Variants in AKAP10 observed in about 807,000 individuals in gnomAD.
AKAP10 encodes the protein A-kinase anchor protein 10, mitochondrial.
In AKAP10, 24 loss-of-function variants were observed where a neutral mutation model predicts 80.8. That is an observed-to-expected ratio of 0.30 (90% CI 0.22 to 0.42). The LOEUF (loss-of-function observed/expected upper bound fraction) is 0.42, where lower values mean the gene tolerates loss of function less well. Ranked by LOEUF, AKAP10 falls within the 10% of genes least tolerant of loss-of-function variation. AKAP10 has a pLI of 1.00. For missense variants in AKAP10, 661 were observed against 794.9 expected, an observed-to-expected ratio of 0.83 and a Z score of 2.03; for synonymous variants, 291 against 277.7, an observed-to-expected ratio of 1.05 and a Z score of -0.48.
intron 9 of AKAP10, among the ~76,000 whole-genome samples, chr17:19,934,883 C>T (rs563569492): frequency 1.3e-5 from 2 of 152,174 alleles, no homozygotes; most frequent in South Asian, 4.2e-4. Flanking sequence ...ATGGTGGTGC[C>T]TGCCTGTAAT....
intron 10 of AKAP10, among the ~76,000 whole-genome samples, chr17:19,928,702 C>A (rs1295378903): frequency 2.0e-5 from 3 of 152,056 alleles, no homozygotes. Context: ...CATGGTGAAA[C>A]CCCATCTCTA....
intron 10 of AKAP10, among the ~76,000 whole-genome samples, chr17:19,928,744 C>T (rs1202996575): frequency 2.0e-5 from 3 of 151,932 alleles, no homozygotes; most frequent in African/African-American, 7.3e-5. Context: ...GTGGTGCGTG[C>T]CTATAGTCCC....
chr17:19,906,473 T>C (rs1257167211), intron 14 of AKAP10, among the ~76,000 whole-genome samples: 2 of 152,222 alleles, frequency 1.3e-5, no homozygotes, highest in Non-Finnish European at 2.9e-5. Context: ...AGGACTGGCA[T>C]CCAGACTTGC....
chr17:19,924,349 AT>A, intron 11 of AKAP10, 58 bp downstream of exon 11: 1 of 1,228,860 alleles, frequency 8.1e-7, no homozygotes, highest in Non-Finnish European at 1.1e-6. Context: ...TAATTAAAAA[AT>A]TTAAAAGATG....
intron 1 of AKAP10, among the ~76,000 whole-genome samples, chr17:19,968,974 G>A (rs542864754): frequency 6.6e-6 from 1 of 152,320 alleles, no homozygotes; most frequent in African/African-American, 2.4e-5. Flanking sequence ...GTCTTTGGTT[G>A]TGTATCATAT....
chr17:19,946,145 TTA>T (rs1440366070), intron 5 of AKAP10, among the ~76,000 whole-genome samples: 50 of 123,520 alleles, frequency 4.0e-4, no homozygotes, highest in Non-Finnish European at 6.7e-4. Flanking sequence ...ATATTATATA[TTA>T]GTATATATAC....
chr17:19,977,062 G>T (rs1286823530), intron 1 of AKAP10, among the ~76,000 whole-genome samples: 5 of 152,182 alleles, frequency 3.3e-5, no homozygotes, highest in Non-Finnish European at 7.3e-5. Context: ...GTCATCAAAA[G>T]TAGTGGTCTT....
chr17:19,937,691 C>G (rs1303586052), intron 8 of AKAP10, among the ~76,000 whole-genome samples: 1 of 152,180 alleles, frequency 6.6e-6, no homozygotes, highest in Non-Finnish European at 1.5e-5. Context: ...AACAATGTTT[C>G]TTACGTAATA....
At chr17:19,955,912 T>C (rs1212838529) in intron 4 of AKAP10, among the ~76,000 whole-genome samples, 1 of 152,158 alleles carries the variant, frequency 6.6e-6, no homozygotes, top group East Asian at 1.9e-4. Context: ...CAATACTGAA[T>C]TCTCTCAAAA....
chr17:19,958,604 A>T, intron 3 of AKAP10, 33 bp from the exon 4 acceptor site: 1 of 1,538,616 alleles, frequency 6.5e-7, no homozygotes, highest in Non-Finnish European at 8.7e-7. Context: ...TTAGCAGTTC[A>T]GCAACAAATA....
At chr17:19,936,706 T>C (rs934621233) in intron 8 of AKAP10, among the ~76,000 whole-genome samples, 1 of 152,218 alleles carries the variant, frequency 6.6e-6, no homozygotes, top group African/African-American at 2.4e-5. Context: ...AGGATCAGAC[T>C]ACAACTGAGG....
chr17:19,912,508 G>C (rs1396582891), intron 12 of AKAP10, among the ~76,000 whole-genome samples: 2 of 152,174 alleles, frequency 1.3e-5, no homozygotes, highest in Admixed American at 6.6e-5. Context: ...CTGCACTCCA[G>C]CCTGGGTGAC....
In AKAP10 at chr17:19,947,174, G is replaced by A. The variant is rs145786545; in HGVS notation, c.976+233C>T. On this transcript the variant is annotated intron_variant, in intron 5 of 14. Coordinates refer to ENST00000225737, the MANE Select transcript of AKAP10 (RefSeq NM_007202.4). ...GCTGCTCAGCAGCGGGCAGGCCTGA[G>A]CACCCGCTACACTGCAGCCCATCTG... is the stretch of plus-strand genomic sequence containing the variant. 527 of 491,654 alleles carry A rather than the reference G, an allele frequency of 1.1e-3. 2 individuals carry two copies. Among genetic ancestry groups the A allele is most frequent in the African/African-American group, 9.0e-3 (461 of 51,286 alleles). 30.5% of individuals were successfully genotyped at this position (491,654 alleles called of 1,614,324 possible). A position where few individuals can be genotyped will look rare whatever the true frequency, so the allele number is the denominator to read the frequency against.
intron 8 of AKAP10, among the ~76,000 whole-genome samples, chr17:19,937,248 T>A (rs985690213): frequency 1.1e-4 from 16 of 152,200 alleles, no homozygotes; most frequent in Admixed American, 9.8e-4. Context: ...ACGCCTATAA[T>A]CCCAGCACTT....
chr17:19,909,109 C>A, intron 14 of AKAP10, 72 bp downstream of exon 14: 1 of 1,352,436 alleles, frequency 7.4e-7, no homozygotes, highest in Admixed American at 2.2e-5. Context: ...AAAGAAACCC[C>A]TTATGTTCTT....
intron 1 of AKAP10, among the ~76,000 whole-genome samples, chr17:19,975,961 T>A (rs1160688296): frequency 1.3e-5 from 2 of 152,148 alleles, no homozygotes; most frequent in Non-Finnish European, 2.9e-5. Flanking sequence ...ATTTTACCGG[T>A]TTCATTCATT....
intron 12 of AKAP10, among the ~76,000 whole-genome samples, chr17:19,911,090 T>TC (rs1397040955): frequency 2.0e-5 from 3 of 152,186 alleles, no homozygotes; most frequent in African/African-American, 7.2e-5. Flanking sequence ...TGGATCCTTT[T>TC]CCCTCAATTT....
At chr17:19,966,407 G>A (rs2043419310) in intron 2 of AKAP10, among the ~76,000 whole-genome samples, 1 of 152,094 alleles carries the variant, frequency 6.6e-6, no homozygotes, top group Non-Finnish European at 1.5e-5. Context: ...ATGAGGGCAG[G>A]ACCTAAGTCT....
At chr17:19,910,651 G>A (rs1021815389) in intron 12 of AKAP10, among the ~76,000 whole-genome samples, 2 of 135,888 alleles carry the variant, frequency 1.5e-5, no homozygotes, top group Admixed American at 7.4e-5. Context: ...CCAGGATAAT[G>A]CTCTTGGGTA....
Sources: allele counts gnomAD v4.1 joint callset (sites outside exome capture counted in the v4.1 genomes callset), GRCh38; gene constraint gnomAD v4.1.1; transcripts MANE v1.5; gene names NCBI Gene and HGNC (gene_info 2026-07-23, HGNC 2026-07-21).